FGD3: variants seen among roughly 807,000 people sequenced by gnomAD.
The protein encoded by FGD3 is FYVE, RhoGEF and PH domain containing 3.
FGD3 carries 45 observed loss-of-function variants against 71.8 expected under a neutral mutation model. The ratio of observed to expected loss-of-function variants is 0.63; its 90% CI spans 0.49 to 0.80. The LOEUF (loss-of-function observed/expected upper bound fraction) is 0.80, where lower values mean the gene tolerates loss of function less well. FGD3 is among the 30% of genes least tolerant of loss of function. The pLI, the probability that FGD3 is intolerant of heterozygous loss-of-function variation, is 0.00. For missense variants in FGD3, 844 were observed against 951.5 expected (o/e 0.89, Z 1.49); for synonymous variants, 378 against 392.8 (o/e 0.96, Z 0.44).
chr9:93,019,634 T>C (rs1861836045), intron 11 of FGD3, among the ~76,000 whole-genome samples, 197 bp from the exon 12 acceptor site: 1 of 152,200 alleles, frequency 6.6e-6, no homozygotes, highest in Non-Finnish European at 1.5e-5. Context: ...TTACAGCCAC[T>C]GCAGAGGGCT....
intron 16 of FGD3, 146 bp from the exon 17 acceptor site, chr9:93,034,395 C>T: frequency 1.8e-6 from 2 of 1,098,616 alleles, no homozygotes; most frequent in Non-Finnish European, 2.6e-6. Context: ...CCGGGTGAGG[C>T]TGGTCCCAGT....
intron 17 of FGD3, among the ~76,000 whole-genome samples, chr9:93,035,002 C>T (rs1862536647): frequency 6.6e-6 from 1 of 152,130 alleles, no homozygotes; most frequent in Non-Finnish European, 1.5e-5. Flanking sequence ...CCCTTGGAGC[C>T]CCAGTTGCTA....
chr9:92,976,142 G>T (rs1587823651), intron 2 of FGD3, 66 bp from the exon 3 acceptor site: 1 of 971,544 alleles, frequency 1.0e-6, no homozygotes, highest in Middle Eastern at 3.4e-4. Context: ...TGCATTTGGG[G>T]GTTGCACCTG....
intron 3 of FGD3, among the ~76,000 whole-genome samples, chr9:92,984,869 G>A (rs1030722417): frequency 3.3e-5 from 5 of 149,740 alleles, no homozygotes; most frequent in African/African-American, 1.2e-4. Context: ...GACTGCATTT[G>A]GAGAAGAATT....
chr9:92,996,349 A>G lies in FGD3; in HGVS notation c.454-6576A>G, dbSNP rs571377908. Among the ~76,000 whole-genome samples, 5 of 151,732 alleles carry G rather than the reference A, an allele frequency of 3.3e-5. No homozygotes were observed. The East Asian group carries it at 9.7e-4, about 29-fold the overall frequency. The stretch of plus-strand genomic sequence containing the variant: ...ATCCTCTTTATCATTTTTTATTGCT[A>G]TTTGATTTTTCTCTCTTTTCTTCTT... On this transcript the variant is annotated intron_variant, in intron 3 of 17. Coordinates refer to ENST00000375482, the MANE Select transcript of FGD3 (RefSeq NM_001083536.2).
intron 8 of FGD3, among the ~76,000 whole-genome samples, chr9:93,011,855 C>CAA (rs35066025): frequency 1.8e-4 from 23 of 124,696 alleles, no homozygotes; most frequent in African/African-American, 5.9e-4. Flanking sequence ...GACTCCGTCT[C>CAA]AAAAAAAAAA....
At position 93,013,885 on chromosome 9, in the gene FGD3, C is replaced by T; in HGVS notation, c.1069C>T (p.Gln357Ter). The T allele has an allele frequency of 6.2e-7, 1 of 1,612,776 alleles. No homozygotes were observed. The highest frequency in any genetic ancestry group is 8.5e-7 in the Non-Finnish European group (1 of 1,179,544). Residue 357 changes from glutamine (Q) to a stop codon, truncating the protein, a stop_gained, in exon 9 of 18, where the codon CAG becomes TAG. Coordinates refer to ENST00000375482, the MANE Select transcript of FGD3 (RefSeq NM_001083536.2). LOFTEE classifies it high-confidence loss of function. ...KMHKLLEVYEQLGGEEDIVNP... is the reference protein window; with the variant it reads ...KMHKLLEVYE ...GCACAAGCTCTTGGAGGTGTACGAG[C>T]AGCTGGGTGGGGAAGAAGACATTGT...
intron 1 of FGD3, among the ~76,000 whole-genome samples, chr9:92,953,334 T>C (rs571767732): frequency 1.3e-5 from 2 of 152,316 alleles, no homozygotes; most frequent in Admixed American, 1.3e-4. Context: ...TCTAATGTTA[T>C]CATAGCCAAC....
At chr9:93,027,715 C>CTTTTTTTTTTT (rs1199094054) in intron 14 of FGD3, among the ~76,000 whole-genome samples, 4 of 102,002 alleles carry the variant, frequency 3.9e-5, no homozygotes, top group African/African-American at 8.0e-5. Context: ...TTCTTTCTTT[C>CTTTTTTTTTTT]TTTTTTTTTT....
chr9:92,984,438 G>T (rs1157176266), intron 3 of FGD3, among the ~76,000 whole-genome samples: 1 of 152,154 alleles, frequency 6.6e-6, no homozygotes, highest in Non-Finnish European at 1.5e-5. Flanking sequence ...ACATGTTGCT[G>T]TATGGGTCCT....
intron 8 of FGD3, among the ~76,000 whole-genome samples, chr9:93,013,488 G>C (rs762172490): frequency 1.3e-5 from 2 of 152,298 alleles, no homozygotes; most frequent in East Asian, 3.9e-4. Context: ...GATTGTCCGA[G>C]TCTGGGTCTC....
intron 3 of FGD3, among the ~76,000 whole-genome samples, chr9:92,980,111 C>T (rs1587827547): frequency 6.6e-6 from 1 of 151,884 alleles, no homozygotes; most frequent in East Asian, 1.9e-4. Context: ...ACCTCCACCT[C>T]CTGGGTTCAA....
Position 93,003,026 on chromosome 9 carries a change from G to A in FGD3, c.543+12G>A. 6.2e-7 allele frequency: 1 copy of A among 1,613,606 alleles called. No individual in the cohort carries two copies. The highest frequency in any genetic ancestry group is 2.2e-5 in the East Asian group (1 of 44,890). ...ACCTGCTGGACCAGGTAGCCCACAT[G>A]GCTTGGGGGCAGTTTCAGTATCTCT... On this transcript the variant is annotated intron_variant, in intron 4 of 17. Coordinates refer to ENST00000375482, the MANE Select transcript of FGD3 (RefSeq NM_001083536.2). The surrounding 1 kb of genome is among the most constrained non-coding windows in gnomAD (Gnocchi z 4.1).
intron 1 of FGD3, among the ~76,000 whole-genome samples, chr9:92,963,631 C>G (rs1467508957): frequency 6.6e-6 from 1 of 152,180 alleles, no homozygotes; most frequent in Non-Finnish European, 1.5e-5. Context: ...TGAATATAAG[C>G]CTGGATTAAC....
Position 93,002,915 on chromosome 9 carries a change from C to A in FGD3, c.454-10C>A. On this transcript the variant is annotated splice_polypyrimidine_tract_variant and intron_variant, in intron 3 of 17. Coordinates refer to ENST00000375482, the MANE Select transcript of FGD3 (RefSeq NM_001083536.2). The stretch of plus-strand genomic sequence containing the variant: ...CTTCCCCAGGTGAGCTGCATCTCTT[C>A]TCTCCGCAGCACTCTGGCCCCCAGA... 1 of 1,613,390 alleles carries A rather than the reference C, an allele frequency of 6.2e-7. No individual in the cohort carries two copies. Among genetic ancestry groups the A allele is most frequent in the Non-Finnish European group, 8.5e-7 (1 of 1,179,736 alleles).
In FGD3 at chr9:93,035,753, G is replaced by A. The variant is rs779193630; in HGVS notation, c.*164G>A. On this transcript the variant is annotated 3_prime_UTR_variant, in exon 18 of 18. Transcript: ENST00000375482. ...GGGGAAGGAAACTGAGGCCCAGAGA[G>A]GGGCAACCACTGGCCAAGGGTCACC... 1.4e-5 allele frequency: 15 copies of A among 1,106,370 alleles called. No homozygotes were observed. The highest frequency in any genetic ancestry group is 1.7e-5 in the Non-Finnish European group (14 of 812,480). The allele number at this position is 1,106,370 out of a possible 1,614,324, so 68.5% of individuals were successfully genotyped here.
At chr9:93,002,683 C>T (rs1421880749) in intron 3 of FGD3, among the ~76,000 whole-genome samples, 2 of 152,184 alleles carry the variant, frequency 1.3e-5, no homozygotes, top group African/African-American at 2.4e-5. Flanking sequence ...CATCATCTTG[C>T]TGACATCACT....
chr9:92,957,812 G>A (rs965792246), intron 1 of FGD3, among the ~76,000 whole-genome samples: 2 of 150,448 alleles, frequency 1.3e-5, no homozygotes, highest in African/African-American at 2.4e-5. Flanking sequence ...CTCCAGAGTA[G>A]TTGGGAGTAC....
Position 93,002,938 on chromosome 9 carries a change from A to G in FGD3, c.467A>G (p.Gln156Arg), listed in dbSNP as rs755891847. The G allele has an allele frequency of 3.1e-6, 5 of 1,614,006 alleles. No homozygotes were observed. Among genetic ancestry groups the G allele is most frequent in the Non-Finnish European group, 4.2e-6 (5 of 1,180,016 alleles). ...TTCTCTCCGCAGCACTCTGGCCCCCAGAAGCTTCTCCACATTGCCCAGGAG... is the reference window on the plus strand; with the variant it reads ...TTCTCTCCGCAGCACTCTGGCCCCCGGAAGCTTCTCCACATTGCCCAGGAG... ...DAGLAQHSGP[Q>R]KLLHIAQELL... Residue 156 changes from glutamine to arginine, a missense_variant, in exon 4 of 18, where the codon CAG becomes CGG. By Grantham distance (43) the Gln-to-Arg change is conservative. Transcript: ENST00000375482.
Sources: allele counts gnomAD v4.1 joint callset (sites outside exome capture counted in the v4.1 genomes callset), GRCh38; gene constraint gnomAD v4.1.1; non-coding constraint Gnocchi (gnomAD v3.1); transcripts MANE v1.5; gene names NCBI Gene and HGNC (gene_info 2026-07-23, HGNC 2026-07-21).